BCL2: variants seen among roughly 807,000 people sequenced by gnomAD.
The protein encoded by BCL2 is BCL2 apoptosis regulator, also known as apoptosis regulator Bcl-2.
A neutral mutation model predicts 14.2 loss-of-function variants in BCL2; 1 was observed. The observed-to-expected ratio is 0.07, with a 90% confidence interval of 0.02 to 0.33. The LOEUF (loss-of-function observed/expected upper bound fraction) is 0.33, where lower values mean the gene tolerates loss of function less well. Ranked by LOEUF, BCL2 falls within the 10% of genes least tolerant of loss-of-function variation. The pLI, the probability that BCL2 is intolerant of heterozygous loss-of-function variation, is 0.99. For missense variants in BCL2, 247 were observed against 305.9 expected (o/e 0.81, Z 1.44); for synonymous variants, 151 against 137.2 (o/e 1.10, Z -0.70).
chr18:63,289,571 A>C (rs1789759341), intron 2 of BCL2, among the ~76,000 whole-genome samples: 1 of 152,288 alleles, frequency 6.6e-6, no homozygotes, highest in Middle Eastern at 3.4e-3. Context: ...AGCTGGATAA[A>C]GGAAAATGAA....
At chr18:63,169,336 C>CTCT (rs1555697352) in intron 2 of BCL2, among the ~76,000 whole-genome samples, 1 of 62,054 alleles carries the variant, frequency 1.6e-5, no homozygotes, top group South Asian at 6.5e-4. Context: ...TCCTTTCCTT[C>CTCT]CTTTCTTTCT....
chr18:63,129,282 C>G (rs1378309446), intron 2 of BCL2, among the ~76,000 whole-genome samples: 1 of 93,244 alleles, frequency 1.1e-5, no homozygotes, highest in African/African-American at 3.4e-5. Flanking sequence ...TTGTACCAAA[C>G]TTTTTCTTTC....
chr18:63,135,669 C>T (rs1173741061), intron 2 of BCL2, among the ~76,000 whole-genome samples: 2 of 152,224 alleles, frequency 1.3e-5, no homozygotes, highest in Non-Finnish European at 2.9e-5. Flanking sequence ...TCCACCATCT[C>T]CCATTGCTTC....
chr18:63,254,778 G>A (rs371690180), intron 2 of BCL2, among the ~76,000 whole-genome samples: 2 of 152,306 alleles, frequency 1.3e-5, no homozygotes, highest in Non-Finnish European at 1.5e-5. Context: ...TGGGGTATTA[G>A]ATTTCAACCA....
At chr18:63,277,428 T>C (rs1472456912) in intron 2 of BCL2, among the ~76,000 whole-genome samples, 1 of 149,636 alleles carries the variant, frequency 6.7e-6, no homozygotes, top group Non-Finnish European at 1.5e-5. Flanking sequence ...AGGTTAGGCA[T>C]TTGAGACCAG....
At chr18:63,195,173 C>T (rs1436435266) in intron 2 of BCL2, among the ~76,000 whole-genome samples, 2 of 152,168 alleles carry the variant, frequency 1.3e-5, no homozygotes, top group Non-Finnish European at 2.9e-5. Context: ...GGATTGGGAG[C>T]TAACTCTGCC....
chr18:63,135,414 TCTGACACCACC>T (rs1480002844), intron 2 of BCL2, among the ~76,000 whole-genome samples: 1 of 152,258 alleles, frequency 6.6e-6, no homozygotes, highest in African/African-American at 2.4e-5. Flanking sequence ...CTCAGTGAGT[TCTGACACCACC>T]TAGCAATTCT....
chr18:63,275,657 T>G (rs1373962155), intron 2 of BCL2, among the ~76,000 whole-genome samples: 1 of 152,210 alleles, frequency 6.6e-6, no homozygotes, highest in Non-Finnish European at 1.5e-5. Context: ...TGTTTGTAAT[T>G]TCCAGTTTAG....
At chr18:63,248,647 G>C (rs1911219054) in intron 2 of BCL2, among the ~76,000 whole-genome samples, 1 of 152,186 alleles carries the variant, frequency 6.6e-6, no homozygotes, top group African/African-American at 2.4e-5. Context: ...ATCCGAGAGA[G>C]AAATCAGGAC....
intron 2 of BCL2, among the ~76,000 whole-genome samples, chr18:63,206,736 C>T (rs915399180): frequency 1.3e-5 from 2 of 151,088 alleles, no homozygotes; most frequent in African/African-American, 2.4e-5. Flanking sequence ...TGACACTGAT[C>T]GGACAGGATT....
chr18:63,309,794 C>T (rs1186843778), intron 2 of BCL2, among the ~76,000 whole-genome samples: 1 of 152,160 alleles, frequency 6.6e-6, no homozygotes, highest in Non-Finnish European at 1.5e-5. Flanking sequence ...TGCTCAAGTC[C>T]CTGATATTAA....
intron 2 of BCL2, among the ~76,000 whole-genome samples, chr18:63,155,558 C>T (rs1027676221): frequency 3.3e-5 from 5 of 152,020 alleles, no homozygotes; most frequent in Admixed American, 6.6e-5. Context: ...AAGAGACTGC[C>T]GTTGTTGCCT....
rs552258175 is a variant in BCL2 at position 63,127,320 on chromosome 18, T to C, written c.*1305A>G. The C allele has an allele frequency of 3.0e-5, 7 of 231,874 alleles. No homozygotes were observed. The highest frequency in any genetic ancestry group is 1.3e-4 in the African/African-American group (6 of 45,232). 14.4% of individuals were successfully genotyped at this position (231,874 alleles called of 1,614,324 possible). On this transcript the variant is annotated 3_prime_UTR_variant, in exon 3 of 3. Transcript: ENST00000333681. ...TACAGCCAAAATGGGCCGTGGCCAT[T>C]GCCTCTCCTCACGTTCCCAGCCTTC... is the stretch of plus-strand genomic sequence containing the variant.
At chr18:63,169,552 T>C (rs2144629391) in intron 2 of BCL2, among the ~76,000 whole-genome samples, 1 of 141,284 alleles carries the variant, frequency 7.1e-6, no homozygotes, top group South Asian at 2.6e-4. Flanking sequence ...CAATGGAGTC[T>C]CGCTCTGTCA....
At position 63,250,233 on chromosome 18, in the gene BCL2, A is replaced by T. The variant is rs148938184; in HGVS notation, c.585+67849T>A. On this transcript the variant is annotated intron_variant, in intron 2 of 2. Transcript: ENST00000333681. ...AACTACTACCGCTACTGCAAAGGAG[A>T]ACATATAGTGAGTCTTTGGTTTTCC... Among the ~76,000 whole-genome samples the T allele has an allele frequency of 9.2e-5, 14 of 152,350 alleles. No homozygotes were observed. The East Asian group carries it at 2.7e-3, about 29-fold the overall frequency.
intron 2 of BCL2, among the ~76,000 whole-genome samples, chr18:63,160,796 G>T (rs1026711812): frequency 6.6e-6 from 1 of 151,014 alleles, no homozygotes; most frequent in African/African-American, 2.4e-5. Flanking sequence ...AAGCCACATC[G>T]CTTCCTTTGG....
intron 2 of BCL2, among the ~76,000 whole-genome samples, chr18:63,206,603 AG>A (rs1197539307): frequency 1.3e-5 from 2 of 152,238 alleles, no homozygotes; most frequent in African/African-American, 4.8e-5. Flanking sequence ...TCCAGAATCC[AG>A]GTGTGCCTTC....
intron 2 of BCL2, among the ~76,000 whole-genome samples, chr18:63,197,600 A>G (rs1418557028): frequency 4.0e-5 from 6 of 151,744 alleles, no homozygotes; most frequent in Admixed American, 6.6e-5. Flanking sequence ...CGTCTGCTCA[A>G]TCAGGGGAAC....
At chr18:63,295,132 C>A (rs1287746710) in intron 2 of BCL2, among the ~76,000 whole-genome samples, 1 of 151,660 alleles carries the variant, frequency 6.6e-6, no homozygotes, top group Non-Finnish European at 1.5e-5. Context: ...CCACTGCATT[C>A]CAGCCTGGGA....
Sources: gnomAD v4.1 joint callset for allele counts (sites outside exome capture counted in the v4.1 genomes callset) on GRCh38, gnomAD v4.1.1 for gene constraint, MANE v1.5 for transcripts, NCBI Gene and HGNC (gene_info 2026-07-23, HGNC 2026-07-21) for gene names.